GRIP1: variants seen among roughly 807,000 people sequenced by gnomAD.
GRIP1 encodes the protein glutamate receptor interacting protein 1, also known as glutamate receptor-interacting protein 1.
GRIP1 carries 45 observed loss-of-function variants against 129.9 expected under a neutral mutation model. The observed-to-expected ratio is 0.35, with a 90% confidence interval of 0.27 to 0.44. GRIP1 has a LOEUF of 0.44. GRIP1 is among the 20% of genes least tolerant of loss of function. The probability of loss-of-function intolerance (pLI) is 1.00; values close to 1 mark genes in which losing one functional copy is unlikely to be tolerated. For missense variants in GRIP1, 1,196 were observed against 1,396.8 expected (o/e 0.86, Z 2.29); for synonymous variants, 530 against 520.8 (o/e 1.02, Z -0.24).
At chr12:66,396,570 T>A (rs992449662) in intron 16 of GRIP1, among the ~76,000 whole-genome samples, 3 of 152,152 alleles carry the variant, frequency 2.0e-5, no homozygotes. Flanking sequence ...GCTGCCTTAT[T>A]TGGAGACATT....
intron 1 of GRIP1, among the ~76,000 whole-genome samples, chr12:67,006,340 G>A (rs184215146): frequency 3.2e-4 from 49 of 152,264 alleles, no homozygotes; most frequent in African/African-American, 1.1e-3. Context: ...TGAGGCAGGA[G>A]GATCACTTGA....
At position 66,663,268 on chromosome 12, in the gene GRIP1, A is replaced by C. The variant is rs955772932; in HGVS notation, c.55+15582T>G. On this transcript the variant is annotated intron_variant, in intron 1 of 24. Transcript: ENST00000359742. ...TTTTGTGAATATTCTCTAATATATA[A>C]ATAAAAAACTGAACCTCTTCCCAAA... Among the ~76,000 whole-genome samples the C allele has an allele frequency of 2.0e-5, 3 of 152,186 alleles. No homozygotes were observed. The South Asian group carries it at 6.2e-4, about 32-fold the overall frequency.
chr12:66,770,388 C>T (rs1377285376), intron 1 of GRIP1, among the ~76,000 whole-genome samples: 1 of 152,088 alleles, frequency 6.6e-6, no homozygotes, highest in African/African-American at 2.4e-5. Context: ...AAAGTGATCC[C>T]AAATTTATTT....
intron 7 of GRIP1, among the ~76,000 whole-genome samples, chr12:66,466,856 C>A (rs1752868788): frequency 6.6e-6 from 1 of 152,128 alleles, no homozygotes; most frequent in African/African-American, 2.4e-5. Context: ...TCTGCAAGAA[C>A]ATCTTTGTCA....
chr12:66,928,577 A>G (rs146622074), intron 1 of GRIP1, among the ~76,000 whole-genome samples: 159 of 152,354 alleles, frequency 1.0e-3, no homozygotes, highest in African/African-American at 3.2e-3. Context: ...AGAGCCTTTA[A>G]GAGAATCATG....
At chr12:66,594,382 C>T (rs1471817125) in intron 2 of GRIP1, among the ~76,000 whole-genome samples, 4 of 152,202 alleles carry the variant, frequency 2.6e-5, no homozygotes, top group African/African-American at 9.6e-5. Context: ...CAATCCACAA[C>T]CCATAGGCTG....
intron 1 of GRIP1, among the ~76,000 whole-genome samples, chr12:66,669,093 T>C (rs1242864227): frequency 6.6e-6 from 1 of 152,154 alleles, no homozygotes; most frequent in Non-Finnish European, 1.5e-5. Context: ...TGTGTGGGAT[T>C]GGTTAAGCCC....
chr12:66,422,974 A>G (rs1410412095), intron 14 of GRIP1, among the ~76,000 whole-genome samples: 1 of 152,116 alleles, frequency 6.6e-6, no homozygotes, highest in Non-Finnish European at 1.5e-5. Flanking sequence ...CCCATGTTTT[A>G]ATTTTCTACT....
At chr12:66,759,956 G>A (rs893725872) in intron 1 of GRIP1, among the ~76,000 whole-genome samples, 2 of 151,702 alleles carry the variant, frequency 1.3e-5, no homozygotes, top group Non-Finnish European at 2.9e-5. Context: ...CCGGGTTCAC[G>A]CCATTCTCCT....
intron 1 of GRIP1, among the ~76,000 whole-genome samples, chr12:67,002,266 C>T (rs2042562595): frequency 6.6e-6 from 1 of 152,166 alleles, no homozygotes; most frequent in Non-Finnish European, 1.5e-5. Flanking sequence ...GTGAATTATA[C>T]AATCTGTCAA....
chr12:66,867,033 G>A (rs1592915080), intron 1 of GRIP1, among the ~76,000 whole-genome samples: 1 of 151,984 alleles, frequency 6.6e-6, no homozygotes, highest in Non-Finnish European at 1.5e-5. Context: ...CTGTTGCCCA[G>A]GCTGGAGTGC....
At chr12:66,779,481 C>T (rs1052382060) in intron 1 of GRIP1, among the ~76,000 whole-genome samples, 3 of 152,158 alleles carry the variant, frequency 2.0e-5, no homozygotes, top group Non-Finnish European at 4.4e-5. Context: ...AGAAGACCTT[C>T]TGGGCATATT....
At chr12:66,823,136 G>C (rs2039349615) in intron 1 of GRIP1, among the ~76,000 whole-genome samples, 1 of 152,050 alleles carries the variant, frequency 6.6e-6, no homozygotes, top group Non-Finnish European at 1.5e-5. Context: ...CTTGTTTTCT[G>C]ATCTATAAAA....
chr12:66,524,550 G>C (rs1369282914), intron 5 of GRIP1, among the ~76,000 whole-genome samples: 4 of 151,968 alleles, frequency 2.6e-5, no homozygotes, highest in Non-Finnish European at 5.9e-5. Context: ...GAAATTTATA[G>C]CACTAAATGC....
chr12:66,698,937 C>A (rs530477083), intron 1 of GRIP1, among the ~76,000 whole-genome samples: 1 of 152,150 alleles, frequency 6.6e-6, no homozygotes, highest in African/African-American at 2.4e-5. Context: ...ACCCTTGCAG[C>A]GTTGTTGGGA....
intron 20 of GRIP1, among the ~76,000 whole-genome samples, chr12:66,377,916 C>CTATA (rs1469504080): frequency 3.3e-5 from 5 of 151,690 alleles, no homozygotes; most frequent in Non-Finnish European, 7.4e-5. Flanking sequence ...ATTTCAGCTG[C>CTATA]TATATCTACA....
chr12:66,673,711 C>A lies in GRIP1; in HGVS notation c.55+5139G>T, dbSNP rs141111006. Among the ~76,000 whole-genome samples the A allele has an allele frequency of 2.1e-3, 323 of 152,296 alleles. 1 individual carries two copies. The highest frequency in any genetic ancestry group is 3.8e-3 in the Non-Finnish European group (259 of 68,030). On this transcript the variant is annotated intron_variant, in intron 1 of 24. Coordinates refer to ENST00000359742, the MANE Select transcript of GRIP1 (RefSeq NM_001366722.1). ...TCCCTCAAAGCATGGGCTAGAAGCA[C>A]AGCAAGAAATCCATCACAATCTGGA...
chr12:66,529,978 C>T (rs2061389787), intron 4 of GRIP1, 64 bp from the exon 5 acceptor site: 1 of 994,762 alleles, frequency 1.0e-6, no homozygotes, highest in East Asian at 2.4e-5. Flanking sequence ...CTAAATCATT[C>T]AATGTGGCAT....
intron 1 of GRIP1, among the ~76,000 whole-genome samples, chr12:66,685,672 C>G (rs910028926): frequency 6.6e-6 from 1 of 152,158 alleles, no homozygotes; most frequent in Admixed American, 6.6e-5. Flanking sequence ...GTGCGCACAG[C>G]AGCTAGGTTA....
Sources: allele counts gnomAD v4.1 joint callset (sites outside exome capture counted in the v4.1 genomes callset), GRCh38; gene constraint gnomAD v4.1.1; transcripts MANE v1.5; gene names NCBI Gene and HGNC (gene_info 2026-07-23, HGNC 2026-07-21).